DACT3: variants seen among roughly 807,000 people sequenced by gnomAD.
DACT3 encodes dishevelled binding antagonist of beta catenin 3.
In DACT3, 5 loss-of-function variants were observed where a neutral mutation model predicts 19.6. That is an observed-to-expected ratio of 0.26 (90% CI 0.13 to 0.54). The LOEUF is 0.54. Ranked by LOEUF, DACT3 falls within the 20% of genes least tolerant of loss-of-function variation. The pLI, the probability that DACT3 is intolerant of heterozygous loss-of-function variation, is 0.95. For missense variants in DACT3, 908 were observed against 927.4 expected (o/e 0.98, Z 0.27); for synonymous variants, 454 against 428.1 (o/e 1.06, Z -0.75).
At chr19:46,659,020 C>T (rs1393463627) in intron 1 of DACT3, 2 of 898,618 alleles carry the variant, frequency 2.2e-6, no homozygotes, top group Admixed American at 6.2e-5. Flanking sequence ...GTCTTTCTTG[C>T]CTTGAAGGAA....
chr19:46,654,510 A>T, intron 1 of DACT3: 2 of 974,140 alleles, frequency 2.1e-6, no homozygotes, highest in Non-Finnish European at 2.4e-6. Context: ...AAAAAGAAAA[A>T]GAAATTTCCA....
chr19:46,657,254 A>G (rs906349287), intron 1 of DACT3, among the ~76,000 whole-genome samples: 1 of 150,522 alleles, frequency 6.6e-6, no homozygotes, highest in Non-Finnish European at 1.5e-5. Context: ...TGGGTGGGTG[A>G]CTTTACCTCT....
intron 1 of DACT3, chr19:46,659,244 G>T (rs908809031): frequency 1.1e-5 from 11 of 985,322 alleles, no homozygotes; most frequent in Non-Finnish European, 1.2e-5. Flanking sequence ...ACTGGGGGGT[G>T]GGGGGACAGG....
Position 46,649,233 on chromosome 19 carries a change from G to A in DACT3, c.1139C>T (p.Pro380Leu). The change falls in exon 4 of 4, where the codon CCG (proline) becomes CTG (leucine). Residue 380 changes from proline to leucine, a missense_variant. Around this residue, in one of 2 missense-constraint regions of DACT3, gnomAD observed 656 missense variants for 601.8 expected, o/e 1.09. Coordinates refer to ENST00000391916, the MANE Select transcript of DACT3 (RefSeq NM_145056.3). ...LPGRAARRKP[P>L]PLTRGRSVEQ... is the part of the protein sequence containing the mutation. ...CACGCTGCGGCCGCGGGTCAGTGGC[G>A]GCGGTTTGCGGCGGGCGGCGCGGCC... 8.3e-7 allele frequency: 1 copy of A among 1,199,550 alleles called. No individual in the cohort carries two copies. The highest frequency in any genetic ancestry group is 1.0e-6 in the Non-Finnish European group (1 of 969,812). 74.3% of individuals were successfully genotyped at this position (1,199,550 alleles called of 1,614,324 possible).
chr19:46,654,724 G>T (rs563528440), intron 1 of DACT3: 3 of 985,248 alleles, frequency 3.0e-6, no homozygotes, highest in East Asian at 2.3e-4. Context: ...TGTCTGGACC[G>T]CAGGAGGGAG....
In DACT3 at chr19:46,652,799, A is replaced by G. The variant is rs767472057; in HGVS notation, c.360T>C (p.Asp120=). ...ESGRSSGFYE[D]PSSTGGPDSP... Reference sequence around the variant, plus strand: ...AATCTGGACCTCCTGTAGAGCTGGGATCTTCATAGAAGCCTAAATTTCCAG... The same window carrying G: ...AATCTGGACCTCCTGTAGAGCTGGGGTCTTCATAGAAGCCTAAATTTCCAG... Residue 120 remains aspartate, a synonymous_variant, in exon 3 of 4, where the codon GAT becomes GAC. Coordinates refer to ENST00000391916, the MANE Select transcript of DACT3 (RefSeq NM_145056.3). The G allele has an allele frequency of 9.2e-5, 142 of 1,550,688 alleles. 1 individual carries two copies. In the East Asian group the frequency reaches 1.3e-3, roughly 14 times the overall value.
At chr19:46,659,605 G>C (rs2053059396) in intron 1 of DACT3, 1 of 211,852 alleles carries the variant, frequency 4.7e-6, no homozygotes, top group South Asian at 1.7e-4. Flanking sequence ...TCCTGAGAGG[G>C]GGAGGGGCCG....
In DACT3 at chr19:46,661,026, C is replaced by G; in HGVS notation, c.39G>C (p.Arg13=). The change falls in exon 1 of 4, where the codon CGG becomes CGC. Residue 13 remains arginine, a synonymous_variant. Transcript: ENST00000391916. The part of the protein sequence containing the change: ...RAFSFPVSPE[R]GRLRGWLEGS... ...CCTCCAGCCAGCCCCGCAGCCGGCCCCGCTCAGGGCTCACCGGGAACGAGA... is the reference window on the plus strand; with the variant it reads ...CCTCCAGCCAGCCCCGCAGCCGGCCGCGCTCAGGGCTCACCGGGAACGAGA... The G allele has an allele frequency of 6.6e-7, 1 of 1,525,082 alleles. No homozygotes were observed. The highest frequency in any genetic ancestry group is 1.2e-5 in the South Asian group (1 of 81,912). 94.5% of individuals were successfully genotyped at this position (1,525,082 alleles called of 1,614,324 possible).
intron 1 of DACT3, among the ~76,000 whole-genome samples, chr19:46,658,229 T>TA (rs34025756): frequency 0.34 from 47,973 of 142,588 alleles, 8,457 homozygotes; most frequent in African/African-American, 0.47. Context: ...CTCATATCTT[T>TA]AAAAAAAAAA....
Position 46,649,728 on chromosome 19 carries a change from A to C in DACT3, c.644T>G (p.Phe215Cys). The change falls in exon 4 of 4, where the codon TTT becomes TGT. Residue 215 changes from phenylalanine (F) to cysteine (C), a missense_variant. Phe to Cys is a radical substitution (Grantham distance 205, BLOSUM62 -2). Around this residue, in one of 2 missense-constraint regions of DACT3, gnomAD observed 252 missense variants for 325.6 expected, o/e 0.77. Coordinates refer to ENST00000391916, the MANE Select transcript of DACT3 (RefSeq NM_145056.3). ...SAERRARAGPFLTPSPLHAVA... is the reference protein window; with the variant it reads ...SAERRARAGPCLTPSPLHAVA... ...GGCGTGCAGGGGGCTGGGCGTCAGA[A>C]AGGGCCCGGCGCGGGCCCGCCGCTC... 2 of 1,242,242 alleles carry C rather than the reference A, an allele frequency of 1.6e-6. No individual in the cohort carries two copies. Among genetic ancestry groups the C allele is most frequent in the Non-Finnish European group, 2.0e-6 (2 of 993,426 alleles). The allele number at this position is 1,242,242 out of a possible 1,614,324, so 77.0% of individuals were successfully genotyped here.
chr19:46,647,573 C>G lies in DACT3; in HGVS notation c.*909G>C, dbSNP rs1308174637. On this transcript the variant is annotated 3_prime_UTR_variant, in exon 4 of 4. Coordinates refer to ENST00000391916, the MANE Select transcript of DACT3 (RefSeq NM_145056.3). ...AAATGTTAGTCCAAAGGAAAAAGAG[C>G]ATTTCTCCCATTTAATCATTCAGTG... The G allele has an allele frequency of 6.6e-6, 1 of 152,444 alleles. No homozygotes were observed. The highest frequency in any genetic ancestry group is 1.5e-5 in the Non-Finnish European group (1 of 68,028). 9.4% of individuals were successfully genotyped at this position (152,444 alleles called of 1,614,324 possible). A position where few individuals can be genotyped will look rare whatever the true frequency, so the allele number is the denominator to read the frequency against.
At position 46,661,057 on chromosome 19, in the gene DACT3, C is replaced by G; in HGVS notation, c.8G>C (p.Arg3Pro). 6.8e-7 allele frequency: 1 copy of G among 1,477,668 alleles called. No homozygotes were observed. Among genetic ancestry groups the G allele is most frequent in the Non-Finnish European group, 8.9e-7 (1 of 1,120,182 alleles). The allele number at this position is 1,477,668 out of a possible 1,614,324, so 91.5% of individuals were successfully genotyped here. A position where few individuals can be genotyped will look rare whatever the true frequency, so the allele number is the denominator to read the frequency against. ...AGGGCTCACCGGGAACGAGAAGGCC[C>G]GGATCATGGCTGCGGCCCCCCGCCC... MI[R>P]AFSFPVSPER... The change falls in exon 1 of 4, where the codon CGG becomes CCG. Residue 3 changes from arginine to proline, a missense_variant. Arg to Pro is a moderately radical substitution (Grantham distance 103). This residue lies in a region of DACT3 where 252 missense variants were observed against 325.6 expected (regional missense o/e 0.77). Transcript: ENST00000391916.
Position 46,649,677 on chromosome 19 carries a change from C to T in DACT3, c.695G>A (p.Cys232Tyr), listed in dbSNP as rs952358451. The stretch of plus-strand genomic sequence containing the variant: ...GGGCGAGTCGGTGGGAGGGCGGCCG[C>T]AGGGCCGCGGGCTGCGCATCGCCAC... ...HAVAMRSPRP[C>Y]GRPPTDSPDA... Residue 232 changes from cysteine to tyrosine, a missense_variant, in exon 4 of 4, where the codon TGC becomes TAC. By Grantham distance (194) the Cys-to-Tyr change is radical. Transcript: ENST00000391916. The T allele has an allele frequency of 7.2e-5, 85 of 1,177,428 alleles. No individual in the cohort carries two copies. Among genetic ancestry groups the T allele is most frequent in the Middle Eastern group, 3.4e-4 (1 of 2,930 alleles). 72.9% of individuals were successfully genotyped at this position (1,177,428 alleles called of 1,614,324 possible).
intron 1 of DACT3, among the ~76,000 whole-genome samples, chr19:46,657,386 C>G (rs2053040818): frequency 8.3e-6 from 1 of 119,788 alleles, no homozygotes; most frequent in Non-Finnish European, 1.6e-5. Flanking sequence ...CGGAGTCTTG[C>G]TCTGTCGCCC....
chr19:46,653,972 T>G (rs2122464547), intron 1 of DACT3: 1 of 985,270 alleles, frequency 1.0e-6, no homozygotes, highest in Non-Finnish European at 1.2e-6. Flanking sequence ...TTCCCCCATA[T>G]GGGTAAAATA....
chr19:46,649,637 T>C lies in DACT3; in HGVS notation c.735A>G (p.Ala245=). Residue 245 remains alanine, a synonymous_variant, in exon 4 of 4, where the codon GCA becomes GCG. Transcript: ENST00000391916. ...AGATGTAGCCGTCCAGGGGCCGCCC[T>C]GCGCCCCCCGCGTCGGGCGAGTCGG... The part of the protein sequence containing the change: ...PPTDSPDAGG[A]GRPLDGYISA... The C allele has an allele frequency of 8.8e-7, 1 of 1,139,636 alleles. No individual in the cohort carries two copies. The highest frequency in any genetic ancestry group is 1.1e-6 in the Non-Finnish European group (1 of 931,046). 70.6% of individuals were successfully genotyped at this position (1,139,636 alleles called of 1,614,324 possible).
In DACT3 at chr19:46,648,554, T is replaced by C; in HGVS notation, c.1818A>G (p.Lys606=). Residue 606 remains lysine (K), a synonymous_variant, in exon 4 of 4, where the codon AAA becomes AAG. Coordinates refer to ENST00000391916, the MANE Select transcript of DACT3 (RefSeq NM_145056.3). This position sits in a 1 kb window ranked among gnomAD's most constrained non-coding sequence, Gnocchi z 5.1. Reference sequence around the variant, plus strand: ...TCTTTTTCTTGAGCGCGTGGGAAGCTTTGATTTTCACGAAGACTTTGGCGG... The same window carrying C: ...TCTTTTTCTTGAGCGCGTGGGAAGCCTTGATTTTCACGAAGACTTTGGCGG... ...AGPAKVFVKI[K]ASHALKKKIL... 6.2e-7 allele frequency: 1 copy of C among 1,613,878 alleles called. No homozygotes were observed. The highest frequency in any genetic ancestry group is 8.5e-7 in the Non-Finnish European group (1 of 1,179,824).
At chr19:46,653,539 T>TTTTTTTTATTTATTTA (rs1555822614) in intron 1 of DACT3, among the ~76,000 whole-genome samples, 18 of 141,218 alleles carry the variant, frequency 1.3e-4, no homozygotes, top group East Asian at 2.0e-4. Context: ...CTTTTTTTAT[T>TTTTTTTTATTTATTTA]TTTATTTATT....
rs1245857179 is a variant in DACT3 at position 46,649,402 on chromosome 19, A to G, written c.970T>C (p.Trp324Arg). ...GCCTCCGACTCCCACGACGACGCCC[A>G]GGCGCGGCTCAAGGCGGCAGGGCTG... is the stretch of plus-strand genomic sequence containing the variant. ...PTSPAALSRA[W>R]ASSWESEAAP... The change falls in exon 4 of 4, where the codon TGG (tryptophan) becomes CGG (arginine). Residue 324 changes from tryptophan to arginine, a missense_variant. By Grantham distance (101) the Trp-to-Arg change is moderately radical. Coordinates refer to ENST00000391916, the MANE Select transcript of DACT3 (RefSeq NM_145056.3). The G allele has an allele frequency of 2.3e-6, 3 of 1,285,924 alleles. No homozygotes were observed. Among genetic ancestry groups the G allele is most frequent in the Non-Finnish European group, 2.0e-6 (2 of 1,006,958 alleles). The allele number at this position is 1,285,924 out of a possible 1,614,324, so 79.7% of individuals were successfully genotyped here.
Sources: allele counts gnomAD v4.1 joint callset (sites outside exome capture counted in the v4.1 genomes callset), GRCh38; gene constraint gnomAD v4.1.1; regional missense constraint gnomAD v4.1.1; non-coding constraint Gnocchi (gnomAD v3.1); transcripts MANE v1.5; gene names NCBI Gene and HGNC (gene_info 2026-07-23, HGNC 2026-07-21).